AKT3: variants seen among roughly 807,000 people sequenced by gnomAD.
AKT3 encodes the protein RAC-gamma serine/threonine-protein kinase.
AKT3 carries 15 observed loss-of-function variants against 65.3 expected under a neutral mutation model. The observed-to-expected ratio is 0.23, with a 90% CI of 0.15 to 0.35. The LOEUF (loss-of-function observed/expected upper bound fraction) is 0.35. Ranked by LOEUF, AKT3 falls within the 10% of genes least tolerant of loss-of-function variation. The pLI is 1.00. For missense variants in AKT3, 243 were observed against 576.5 expected, an observed-to-expected ratio of 0.42 and a Z score of 5.92; for synonymous variants, 206 against 183.8, an observed-to-expected ratio of 1.12 and a Z score of -0.98.
chr1:243,742,296 A>G (rs1360319394), intron 2 of AKT3, among the ~76,000 whole-genome samples: 1 of 152,170 alleles, frequency 6.6e-6, no homozygotes, highest in African/African-American at 2.4e-5. Context: ...AATCATTTTA[A>G]TGTTATAAAA....
intron 2 of AKT3, among the ~76,000 whole-genome samples, chr1:243,820,636 C>T (rs1313081682): frequency 1.3e-5 from 2 of 152,082 alleles, no homozygotes; most frequent in Admixed American, 6.5e-5. Flanking sequence ...AAACACAACA[C>T]GAGAACTTCA....
intron 2 of AKT3, among the ~76,000 whole-genome samples, chr1:243,742,059 T>TAAAAA (rs36056068): frequency 8.0e-6 from 1 of 125,586 alleles, no homozygotes; most frequent in Non-Finnish European, 1.6e-5. Context: ...GATAGAAAAT[T>TAAAAA]AAAAAAAAAA....
intron 8 of AKT3, among the ~76,000 whole-genome samples, chr1:243,605,001 C>G (rs963945397): frequency 2.0e-5 from 3 of 152,064 alleles, no homozygotes; most frequent in Non-Finnish European, 4.4e-5. Context: ...AGTTTTCTAT[C>G]TTTGGTACAA....
At chr1:243,711,818 T>A (rs969555763) in intron 2 of AKT3, among the ~76,000 whole-genome samples, 1 of 152,216 alleles carries the variant, frequency 6.6e-6, no homozygotes, top group Admixed American at 6.5e-5. Context: ...TTAAGTGATA[T>A]TTAAATCTGG....
intron 4 of AKT3, among the ~76,000 whole-genome samples, chr1:243,653,696 T>A (rs1681549240): frequency 6.6e-6 from 1 of 152,184 alleles, no homozygotes; most frequent in Non-Finnish European, 1.5e-5. Flanking sequence ...TTTTTAAATC[T>A]CCAAATATGG....
At chr1:243,648,019 A>T (rs10927053) in intron 4 of AKT3, among the ~76,000 whole-genome samples, 14,265 of 152,198 alleles carry the variant, frequency 0.094, 875 homozygotes, top group East Asian at 0.23. Flanking sequence ...GCACTTTGGG[A>T]GACTGAGGTG....
chr1:243,727,888 G>A (rs937941241), intron 2 of AKT3, among the ~76,000 whole-genome samples: 1 of 152,094 alleles, frequency 6.6e-6, no homozygotes, highest in African/African-American at 2.4e-5. Flanking sequence ...TGATATTTAG[G>A]CATAGAGGGA....
chr1:243,742,853 C>CT (rs1180401247), intron 2 of AKT3, among the ~76,000 whole-genome samples: 3,179 of 142,718 alleles, frequency 0.022, 109 homozygotes, highest in African/African-American at 0.072. Flanking sequence ...TCCAGGGTAT[C>CT]TTTTTTTTTT....
At chr1:243,775,338 GC>G (rs1221506030) in intron 2 of AKT3, among the ~76,000 whole-genome samples, 2 of 151,978 alleles carry the variant, frequency 1.3e-5, no homozygotes, top group Admixed American at 6.6e-5. Context: ...CTGCCACCAC[GC>G]CCAGCTAATT....
At chr1:243,683,547 A>G (rs1684070636) in intron 3 of AKT3, among the ~76,000 whole-genome samples, 1 of 152,164 alleles carries the variant, frequency 6.6e-6, no homozygotes, top group Non-Finnish European at 1.5e-5. Context: ...AGTCCTAAGT[A>G]TTTAAAAATA....
Position 243,578,044 on chromosome 1 carries a change from G to A in AKT3, c.697-4996C>T, listed in dbSNP as rs193152442. 1.1e-4 allele frequency among the ~76,000 whole-genome samples: 16 copies of A among 152,302 alleles called. No individual in the cohort carries two copies. In the East Asian group the frequency reaches 3.1e-3, roughly 29 times the overall value. On this transcript the variant is annotated intron_variant, in intron 8 of 13. Coordinates refer to ENST00000673466, the MANE Select transcript of AKT3 (RefSeq NM_005465.7). ...AAAAATCATGAAACAATAGATGCTA[G>A]TGGGGCTACAGAGAGATGGGAACAC...
intron 5 of AKT3, among the ~76,000 whole-genome samples, chr1:243,642,348 C>A (rs191493946): frequency 6.6e-6 from 1 of 152,192 alleles, no homozygotes; most frequent in Non-Finnish European, 1.5e-5. Flanking sequence ...CTCGCTCTGT[C>A]GCCCAGGCTA....
intron 2 of AKT3, among the ~76,000 whole-genome samples, chr1:243,737,254 G>A (rs895982209): frequency 6.6e-6 from 1 of 152,170 alleles, no homozygotes; most frequent in African/African-American, 2.4e-5. Context: ...TCTGCAAAAT[G>A]GGGGTGATAG....
At chr1:243,803,787 C>T (rs1337455289) in intron 2 of AKT3, among the ~76,000 whole-genome samples, 3 of 152,104 alleles carry the variant, frequency 2.0e-5, no homozygotes, top group African/African-American at 4.8e-5. Context: ...GAGCACATAA[C>T]CCAGGATCCA....
chr1:243,541,522 G>A (rs12749076), intron 12 of AKT3, among the ~76,000 whole-genome samples: 14 of 151,546 alleles, frequency 9.2e-5, no homozygotes, highest in Middle Eastern at 3.2e-3. Flanking sequence ...GAAATCAGTC[G>A]CGTCCTCAAG....
At chr1:243,533,448 G>T (rs115189478) in intron 12 of AKT3, among the ~76,000 whole-genome samples, 1 of 152,142 alleles carries the variant, frequency 6.6e-6, no homozygotes, top group Non-Finnish European at 1.5e-5. Context: ...CAAGAGCAAA[G>T]TACCTATGGC....
chr1:243,655,790 T>C (rs772144665), intron 4 of AKT3, among the ~76,000 whole-genome samples: 4 of 152,158 alleles, frequency 2.6e-5, no homozygotes, highest in Non-Finnish European at 4.4e-5. Context: ...TGGCAGATCC[T>C]AGATTCCAAA....
At chr1:243,797,878 A>C (rs1426411601) in intron 2 of AKT3, among the ~76,000 whole-genome samples, 1 of 148,908 alleles carries the variant, frequency 6.7e-6, no homozygotes, top group Non-Finnish European at 1.5e-5. Context: ...AAACCAAAAA[A>C]CAGTTTTTCT....
At chr1:243,809,424 A>C (rs1692976172) in intron 2 of AKT3, among the ~76,000 whole-genome samples, 1 of 152,244 alleles carries the variant, frequency 6.6e-6, no homozygotes, top group Non-Finnish European at 1.5e-5. Context: ...TAAAGATCAA[A>C]AGAGACAAAC....
Sources: allele counts gnomAD v4.1 joint callset (sites outside exome capture counted in the v4.1 genomes callset), GRCh38; gene constraint gnomAD v4.1.1; transcripts MANE v1.5; gene names NCBI Gene and HGNC (gene_info 2026-07-23, HGNC 2026-07-21).